The following CCDC180 variants were observed in gnomAD, a reference collection of about 807,000 sequenced individuals.
The protein encoded by CCDC180 is coiled-coil domain-containing protein 180.
In CCDC180, 154 loss-of-function variants were observed where a neutral mutation model predicts 209.2. The ratio of observed to expected loss-of-function variants is 0.74; its 90% CI spans 0.65 to 0.84. CCDC180 has a LOEUF of 0.84. Ranked by LOEUF, CCDC180 falls within the 40% of genes least tolerant of loss-of-function variation. CCDC180 has a pLI of 0.00. For missense variants in CCDC180, 1,874 were observed against 1,997.3 expected, an observed-to-expected ratio of 0.94 and a Z score of 1.18; for synonymous variants, 778 against 749.1, an observed-to-expected ratio of 1.04 and a Z score of -0.63.
At chr9:97,318,218 T>C (rs1028716316) in intron 9 of CCDC180, among the ~76,000 whole-genome samples, 5 of 152,202 alleles carry the variant, frequency 3.3e-5, no homozygotes, top group African/African-American at 9.6e-5. Flanking sequence ...CAGAGCTCCA[T>C]TGACCTGACG....
intron 18 of CCDC180, among the ~76,000 whole-genome samples, chr9:97,341,479 CCT>C (rs1301511826): frequency 6.6e-6 from 1 of 152,108 alleles, no homozygotes; most frequent in Non-Finnish European, 1.5e-5. Flanking sequence ...CACTCCAGAC[CCT>C]GTTTGCCTGG....
chr9:97,364,259 A>T, intron 29 of CCDC180, 131 bp downstream of exon 29: 1 of 757,448 alleles, frequency 1.3e-6, no homozygotes, highest in Non-Finnish European at 2.2e-6. Flanking sequence ...GGGTGAGAGG[A>T]GATAGCAAGG....
Position 97,377,161 on chromosome 9 carries a change from G to A in CCDC180, c.*267G>A, listed in dbSNP as rs1219925437. 1 of 277,118 alleles carries A rather than the reference G, an allele frequency of 3.6e-6. No individual in the cohort carries two copies. 17.2% of individuals were successfully genotyped at this position (277,118 alleles called of 1,614,324 possible). On this transcript the variant is annotated 3_prime_UTR_variant, in exon 37 of 37. Coordinates refer to ENST00000529487, the MANE Select transcript of CCDC180 (RefSeq NM_020893.6). ...ACCAGGAATCAGTCACTTCAAATAGGCACCAGAGCTTCAAAGGACATCACC... is the reference window on the plus strand; with the variant it reads ...ACCAGGAATCAGTCACTTCAAATAGACACCAGAGCTTCAAAGGACATCACC...
At chr9:97,345,541 A>T in intron 19 of CCDC180, 1 of 408,296 alleles carries the variant, frequency 2.4e-6, no homozygotes. Context: ...TTTGCCTATT[A>T]TTTTTCTGGT....
Position 97,314,410 on chromosome 9 carries a change from C to T in CCDC180, c.477C>T (p.Ile159=), listed in dbSNP as rs761541270. 11 of 1,614,010 alleles carry T rather than the reference C, an allele frequency of 6.8e-6. No individual in the cohort carries two copies. In the Admixed American group the frequency reaches 1.3e-4, roughly 20 times the overall value. Residue 159 remains isoleucine (I), a synonymous_variant, in exon 6 of 37, where the codon ATC becomes ATT. Transcript: ENST00000529487. The part of the protein sequence containing the change: ...AQVGKEMEPL[I]VDTGGLFLKK... The stretch of plus-strand genomic sequence containing the variant: ...TGTTGCAGGAAATGGAACCTCTCAT[C>T]GTGGACACAGGGGGACTTTTTTTGA...
intron 3 of CCDC180, among the ~76,000 whole-genome samples, chr9:97,310,774 C>G (rs1469651429): frequency 6.6e-6 from 1 of 152,166 alleles, no homozygotes; most frequent in African/African-American, 2.4e-5. Context: ...CCCCAAAACT[C>G]CTGACCCTCA....
intron 13 of CCDC180, 88 bp downstream of exon 13, chr9:97,323,991 C>G: frequency 6.9e-7 from 1 of 1,458,284 alleles, no homozygotes; most frequent in East Asian, 2.6e-5. Flanking sequence ...TCCAAGAACT[C>G]CAACTTGCAT....
At chr9:97,345,948 AG>A (rs1453962145) in intron 19 of CCDC180, 1 of 152,572 alleles carries the variant, frequency 6.6e-6, no homozygotes, top group Non-Finnish European at 1.5e-5. Flanking sequence ...CTTACCCCCA[AG>A]GACATGGAGA....
chr9:97,318,425 C>T (rs562862581), intron 9 of CCDC180, 38 bp from the exon 10 acceptor site: 3 of 1,610,024 alleles, frequency 1.9e-6, no homozygotes, highest in African/African-American at 1.3e-5. Context: ...CCCTGCTCCT[C>T]CTCTCCCCTT....
intron 33 of CCDC180, chr9:97,371,166 G>T (rs7848026): frequency 0.21 from 34,139 of 163,672 alleles, 3,797 homozygotes; most frequent in East Asian, 0.38. Context: ...GGGTTTCACC[G>T]TGTTAGCCAG....
In CCDC180 at chr9:97,330,648, A is replaced by G. The variant is rs1325365676; in HGVS notation, c.2155A>G (p.Lys719Glu). 6.2e-7 allele frequency: 1 copy of G among 1,612,132 alleles called. No individual in the cohort carries two copies. The highest frequency in any genetic ancestry group is 8.5e-7 in the Non-Finnish European group (1 of 1,179,576). The change falls in exon 18 of 37, where the codon AAG becomes GAG. Residue 719 changes from lysine to glutamate, a missense_variant. Transcript: ENST00000529487. The stretch of plus-strand genomic sequence containing the variant: ...GGAGAATGTGAAGGGTCAAGGAGAA[A>G]AGAAGGAGGAGTCAGAGGAGGAAGA... The part of the protein sequence containing the change: ...NEENVKGQGE[K>E]KEESEEEDEK...
intron 16 of CCDC180, among the ~76,000 whole-genome samples, chr9:97,329,444 G>C (rs376659182): frequency 1.4e-4 from 21 of 152,310 alleles, no homozygotes; most frequent in African/African-American, 5.1e-4. Context: ...CAGGAAATTT[G>C]CAGGGTTTAC....
At chr9:97,342,097 A>G (rs1207121654) in intron 18 of CCDC180, among the ~76,000 whole-genome samples, 1 of 152,190 alleles carries the variant, frequency 6.6e-6, no homozygotes, top group Non-Finnish European at 1.5e-5. Flanking sequence ...TCCCTTGGCT[A>G]GGAAAGGGAA....
At chr9:97,352,525 A>G (rs1826448649) in intron 22 of CCDC180, among the ~76,000 whole-genome samples, 1 of 152,202 alleles carries the variant, frequency 6.6e-6, no homozygotes, top group African/African-American at 2.4e-5. Context: ...GGTGAACTTT[A>G]GAGAAAGCTC....
At chr9:97,333,828 A>T (rs1027232464) in intron 18 of CCDC180, among the ~76,000 whole-genome samples, 8 of 148,068 alleles carry the variant, frequency 5.4e-5, no homozygotes, top group South Asian at 2.1e-4. Context: ...ATTTTTAATT[A>T]TTTTTTTTTT....
intron 22 of CCDC180, 119 bp downstream of exon 22, chr9:97,350,674 T>A (rs1826398602): frequency 9.1e-7 from 1 of 1,100,150 alleles, no homozygotes; most frequent in South Asian, 1.6e-5. Context: ...ACTTAACATC[T>A]TAACCATTTT....
intron 28 of CCDC180, 77 bp downstream of exon 28, chr9:97,362,518 TC>T: frequency 6.5e-7 from 1 of 1,548,944 alleles, no homozygotes; most frequent in Non-Finnish European, 8.7e-7. Flanking sequence ...CCTATGGCTT[TC>T]CCAGGCTTTT....
At chr9:97,320,319 G>T (rs112789307) in intron 11 of CCDC180, 114 bp downstream of exon 11, 6 of 1,002,280 alleles carry the variant, frequency 6.0e-6, no homozygotes, top group African/African-American at 3.2e-5. Context: ...AGGGATGGGG[G>T]TGTGGCAGGA....
intron 22 of CCDC180, among the ~76,000 whole-genome samples, chr9:97,353,612 T>G (rs1826483564): frequency 6.6e-6 from 1 of 152,214 alleles, no homozygotes; most frequent in Non-Finnish European, 1.5e-5. Flanking sequence ...AATCCTTATT[T>G]GTTTCTGCTG....
Sources: allele counts gnomAD v4.1 joint callset (sites outside exome capture counted in the v4.1 genomes callset), GRCh38; gene constraint gnomAD v4.1.1; transcripts MANE v1.5; gene names NCBI Gene and HGNC (gene_info 2026-07-23, HGNC 2026-07-21).